Variants in TRIM37 observed in about 807,000 individuals in gnomAD.
TRIM37 encodes the protein E3 ubiquitin-protein ligase TRIM37.
In TRIM37, 80 loss-of-function variants were observed where a neutral mutation model predicts 129.8. The observed-to-expected ratio is 0.62, with a 90% CI of 0.51 to 0.74. The LOEUF (loss-of-function observed/expected upper bound fraction) is 0.74. Ranked by LOEUF, TRIM37 falls within the 30% of genes least tolerant of loss-of-function variation. The pLI is 0.00. For synonymous variants in TRIM37, 389 were observed against 387.1 expected (o/e 1.00, Z -0.06); for missense variants, 1,054 against 1,176.5 (o/e 0.90, Z 1.52).
chr17:58,972,373 TGGAG>T, the TRIM37 span: 3 of 1,303,612 alleles, frequency 2.3e-6, no homozygotes, highest in Non-Finnish European at 3.1e-6. Context: ...TTTTTTGAGA[TGGAG>T]TTTCACTCTG....
In TRIM37 at chr17:59,012,466, T is replaced by A; in HGVS notation, c.2577-20A>T. 6.8e-7 allele frequency: 1 copy of A among 1,479,680 alleles called. No individual in the cohort carries two copies. 91.7% of individuals were successfully genotyped at this position (1,479,680 alleles called of 1,614,324 possible). A position where few individuals can be genotyped will look rare whatever the true frequency, so the allele number is the denominator to read the frequency against. On this transcript the variant is annotated intron_variant, in intron 21 of 23. Coordinates refer to ENST00000262294, the MANE Select transcript of TRIM37 (RefSeq NM_015294.6). ...TTAGCCCTCAAAGAAGAAAACAACT[T>A]GATATTTCTCTATAACTAGTGACAC...
At chr17:58,967,896 C>A in the TRIM37 span, among the ~76,000 whole-genome samples, 4 of 151,990 alleles carry the variant, frequency 2.6e-5, no homozygotes, top group East Asian at 7.7e-4. Flanking sequence ...CTCCGCTTCC[C>A]GGGTTCAAGA....
chr17:59,056,364 T>C (rs563453732), intron 13 of TRIM37, among the ~76,000 whole-genome samples: 4 of 152,172 alleles, frequency 2.6e-5, no homozygotes, highest in African/African-American at 7.2e-5. Flanking sequence ...AATTGCTAAC[T>C]AGATGTCAAA....
At chr17:59,033,620 G>A (rs920139615) in intron 17 of TRIM37, among the ~76,000 whole-genome samples, 9 of 151,948 alleles carry the variant, frequency 5.9e-5, no homozygotes, top group South Asian at 4.2e-4. Flanking sequence ...GGGTTTCACC[G>A]TGTTAGGATG....
intron 2 of TRIM37, among the ~76,000 whole-genome samples, chr17:59,099,416 G>A (rs2045244441): frequency 6.6e-6 from 1 of 151,252 alleles, no homozygotes; most frequent in South Asian, 2.1e-4. Context: ...AATGGGTACA[G>A]ACTTTCTGTT....
downstream of TRIM37, among the ~76,000 whole-genome samples, chr17:58,979,319 A>G (rs115072330): frequency 0.019 from 2,949 of 152,276 alleles, 93 homozygotes; most frequent in African/African-American, 0.067. Context: ...ATAGAAAGCC[A>G]AGTGGGTTGG....
At chr17:59,081,659 G>A (rs2043262085) in intron 5 of TRIM37, among the ~76,000 whole-genome samples, 1 of 152,060 alleles carries the variant, frequency 6.6e-6, no homozygotes, top group African/African-American at 2.4e-5. Context: ...TCTAATCCCA[G>A]TACTTTGGGA....
the TRIM37 span, among the ~76,000 whole-genome samples, chr17:58,971,610 G>A: frequency 6.6e-6 from 1 of 152,216 alleles, no homozygotes; most frequent in African/African-American, 2.4e-5. Flanking sequence ...GCTGTCTCTT[G>A]GCCCCTTAGC....
intron 9 of TRIM37, among the ~76,000 whole-genome samples, chr17:59,069,272 G>A (rs543329757): frequency 3.9e-5 from 6 of 151,982 alleles, no homozygotes; most frequent in South Asian, 2.1e-4. Context: ...GCTTGAATCC[G>A]GGAGGTGGAG....
chr17:59,022,302 G>A (rs141896176), intron 19 of TRIM37, among the ~76,000 whole-genome samples: 2 of 152,206 alleles, frequency 1.3e-5, no homozygotes, highest in African/African-American at 4.8e-5. Flanking sequence ...AGTATTTCCA[G>A]AATGGTCAAC....
At chr17:58,977,284 AAC>A in the TRIM37 span, among the ~76,000 whole-genome samples, 1 of 151,972 alleles carries the variant, frequency 6.6e-6, no homozygotes, top group Non-Finnish European at 1.5e-5. Flanking sequence ...CTCTACTAAA[AAC>A]ACAAAAATTA....
chr17:59,089,318 CAT>C (rs1235430742), intron 3 of TRIM37, among the ~76,000 whole-genome samples: 1 of 152,072 alleles, frequency 6.6e-6, no homozygotes, highest in African/African-American at 2.4e-5. Context: ...CCACTAGCCA[CAT>C]GTGACTCTTT....
At chr17:59,071,747 A>T (rs1056125746) in intron 8 of TRIM37, among the ~76,000 whole-genome samples, 3 of 152,198 alleles carry the variant, frequency 2.0e-5, no homozygotes, top group African/African-American at 7.2e-5. Flanking sequence ...CTTCAGTAAC[A>T]TAACCATGGT....
At chr17:59,053,698 C>G (rs1217680037) in intron 13 of TRIM37, among the ~76,000 whole-genome samples, 1 of 152,152 alleles carries the variant, frequency 6.6e-6, no homozygotes, top group Non-Finnish European at 1.5e-5. Flanking sequence ...TTGTAATTCT[C>G]TCTATGGCTG....
At chr17:59,102,417 G>A (rs2045596582) in intron 2 of TRIM37, among the ~76,000 whole-genome samples, 1 of 152,178 alleles carries the variant, frequency 6.6e-6, no homozygotes, top group South Asian at 2.1e-4. Flanking sequence ...CTATAACGGA[G>A]TCCAATTACT....
exon 25 of TRIM37, chr17:58,982,783 T>A: frequency 1.3e-6 from 1 of 746,492 alleles, no homozygotes; most frequent in Non-Finnish European, 2.2e-6. Context: ...GGAGTCAACA[T>A]GGCCCCAACT....
In TRIM37 at chr17:59,106,804, G is replaced by T; in HGVS notation, c.-343C>A. 1 of 498,846 alleles carries T rather than the reference G, an allele frequency of 2.0e-6. No individual in the cohort carries two copies. The highest frequency in any genetic ancestry group is 3.6e-6 in the Non-Finnish European group (1 of 277,368). The allele number at this position is 498,846 out of a possible 1,614,324, so 30.9% of individuals were successfully genotyped here. A position where few individuals can be genotyped will look rare whatever the true frequency, so the allele number is the denominator to read the frequency against. ...TATGGAACTGACGGTGGAGTTCAGC[G>T]AAGAAGGTGCCGCAGAGAATTCGCA... is the stretch of plus-strand genomic sequence containing the variant. On this transcript the variant is annotated 5_prime_UTR_variant, in exon 1 of 24. Transcript: ENST00000262294.
At chr17:59,012,801 G>A (rs1005640427) in intron 21 of TRIM37, among the ~76,000 whole-genome samples, 10 of 151,912 alleles carry the variant, frequency 6.6e-5, no homozygotes, top group Non-Finnish European at 1.0e-4. Context: ...TCTTGAACCC[G>A]GGACGTGGAG....
At chr17:59,005,111 G>GT (rs1348557617) in intron 22 of TRIM37, among the ~76,000 whole-genome samples, 1 of 152,120 alleles carries the variant, frequency 6.6e-6, no homozygotes, top group Non-Finnish European at 1.5e-5. Flanking sequence ...AACACACTGA[G>GT]TTGAACTTCA....
Sources: allele counts gnomAD v4.1 joint callset (sites outside exome capture counted in the v4.1 genomes callset), GRCh38; gene constraint gnomAD v4.1.1; transcripts MANE v1.5; gene names NCBI Gene and HGNC (gene_info 2026-07-23, HGNC 2026-07-21).